The following SLC25A43 variants were observed in gnomAD, a reference collection of about 807,000 sequenced individuals.
SLC25A43 encodes the protein solute carrier family 25, member 43.
SLC25A43 carries 10 observed loss-of-function variants against 22.8 expected under a neutral mutation model. That is an observed-to-expected ratio of 0.44 (90% CI 0.27 to 0.74). The LOEUF is 0.74. Among genes scored for constraint, SLC25A43 ranks in the 30% least tolerant of loss-of-function variants. SLC25A43 has a pLI of 0.17. For synonymous variants in SLC25A43, 106 were observed against 121.6 expected (o/e 0.87, Z 0.84); for missense variants, 233 against 279.1 (o/e 0.83, Z 1.18).
chrX:119,409,585 T>C (rs1368426956), intron 2 of SLC25A43, among the ~76,000 whole-genome samples: 4 of 107,476 alleles, frequency 3.7e-5, no homozygotes, highest in Non-Finnish European at 7.7e-5. Context: ...CCCTTCAACA[T>C]GTGTGTCATT....
chrX:119,452,499 A>C (rs1012575197), intron 4 of SLC25A43, among the ~76,000 whole-genome samples: 5 of 110,836 alleles, frequency 4.5e-5, no homozygotes, highest in Non-Finnish European at 9.4e-5. Flanking sequence ...TGACAAAAAA[A>C]AAAAAAAACA....
chrX:119,403,438 C>T (rs984770158), intron 1 of SLC25A43, among the ~76,000 whole-genome samples: 3 of 110,949 alleles, frequency 2.7e-5, no homozygotes, highest in Non-Finnish European at 5.7e-5. Flanking sequence ...TACAGGTGCA[C>T]GCCACCATGC....
intron 3 of SLC25A43, among the ~76,000 whole-genome samples, chrX:119,450,949 G>A (rs767892885): frequency 1.8e-5 from 2 of 111,966 alleles, no homozygotes; most frequent in Non-Finnish European, 3.8e-5. Flanking sequence ...GATCACTTGA[G>A]GCCAGGAGTT....
intron 3 of SLC25A43, among the ~76,000 whole-genome samples, chrX:119,419,497 C>T (rs1339643400): frequency 1.8e-5 from 2 of 111,567 alleles, no homozygotes; most frequent in African/African-American, 6.5e-5. Flanking sequence ...ATGCTCGACA[C>T]CTCGGGTTAC....
chrX:119,410,502 C>A, intron 3 of SLC25A43, 140 bp downstream of exon 3: 2 of 642,318 alleles, frequency 3.1e-6, no homozygotes, highest in Non-Finnish European at 4.6e-6. Context: ...TGTGCAAACC[C>A]CCACTCTGTG....
At chrX:119,426,585 G>A (rs2052506790) in intron 3 of SLC25A43, among the ~76,000 whole-genome samples, 1 of 111,548 alleles carries the variant, frequency 9.0e-6, no homozygotes, top group Non-Finnish European at 1.9e-5. Flanking sequence ...CACTTTGGGA[G>A]GCCGAGGTGG....
intron 3 of SLC25A43, among the ~76,000 whole-genome samples, chrX:119,432,607 C>T (rs1006188866): frequency 2.8e-5 from 3 of 107,917 alleles, no homozygotes; most frequent in Admixed American, 2.0e-4. Context: ...TGGCCAACAT[C>T]GTGAAACCCT....
At chrX:119,410,947 CTCTTT>C (rs1679928402) in intron 3 of SLC25A43, among the ~76,000 whole-genome samples, 1 of 110,474 alleles carries the variant, frequency 9.1e-6, no homozygotes, top group Non-Finnish European at 1.9e-5. Context: ...GATGAGGCTT[CTCTTT>C]TCTTTCCTGA....
chrX:119,417,903 G>T (rs780298389), intron 3 of SLC25A43, among the ~76,000 whole-genome samples: 6 of 111,118 alleles, frequency 5.4e-5, no homozygotes, highest in Admixed American at 1.9e-4. Flanking sequence ...CAGTGAAAGT[G>T]TTATTTTGCA....
intron 3 of SLC25A43, among the ~76,000 whole-genome samples, chrX:119,412,020 G>A (rs1229264219): frequency 9.0e-6 from 1 of 111,552 alleles, no homozygotes; most frequent in Non-Finnish European, 1.9e-5. Flanking sequence ...AAGTTTAAAT[G>A]AGCAGTCCCA....
intron 3 of SLC25A43, among the ~76,000 whole-genome samples, chrX:119,450,146 T>G (rs771530040): frequency 2.7e-5 from 3 of 110,810 alleles, no homozygotes; most frequent in Non-Finnish European, 3.8e-5. Flanking sequence ...AGATAAAGAT[T>G]TGGGAGCCAT....
At chrX:119,441,459 G>C (rs759584710) in intron 3 of SLC25A43, among the ~76,000 whole-genome samples, 1 of 109,269 alleles carries the variant, frequency 9.2e-6, no homozygotes, top group Non-Finnish European at 1.9e-5. Flanking sequence ...GCTGTAGACC[G>C]GAGCTGTTCC....
At chrX:119,452,203 T>C in intron 4 of SLC25A43, 60 bp downstream of exon 4, 1 of 1,135,152 alleles carries the variant, frequency 8.8e-7, no homozygotes, top group Admixed American at 2.8e-5. Flanking sequence ...CCCTCTTCCT[T>C]TGTCACCCCC....
At position 119,431,882 on chromosome X, in the gene SLC25A43, G is replaced by A. The variant is rs181934843; in HGVS notation, c.691-20127G>A. Reference sequence around the variant, plus strand: ...CGAGAAGCTAAGGGAGGCCAGGGGCGGTGGCTCATGCTTGTAATTCCAGCG... The same window carrying A: ...CGAGAAGCTAAGGGAGGCCAGGGGCAGTGGCTCATGCTTGTAATTCCAGCG... On this transcript the variant is annotated intron_variant, in intron 3 of 4. Coordinates refer to ENST00000217909, the MANE Select transcript of SLC25A43 (RefSeq NM_145305.3). Among the ~76,000 whole-genome samples the A allele has an allele frequency of 3.2e-3, 354 of 110,979 alleles. 1 individual carries two copies. The highest frequency in any genetic ancestry group is 0.022 in the Admixed American group (225 of 10,368).
chrX:119,409,426 G>A (rs940819417), intron 2 of SLC25A43, among the ~76,000 whole-genome samples: 29 of 107,251 alleles, frequency 2.7e-4, no homozygotes, highest in Non-Finnish European at 4.6e-4. Flanking sequence ...GGCTGGTCTC[G>A]AACCCCTGAC....
intron 3 of SLC25A43, among the ~76,000 whole-genome samples, chrX:119,412,136 G>A (rs980435789): frequency 9.0e-6 from 1 of 110,942 alleles, no homozygotes. Flanking sequence ...CTGGGCCATC[G>A]CTTACCTCAG....
chrX:119,451,869 C>A, intron 3 of SLC25A43, 140 bp from the exon 4 acceptor site: 1 of 1,142,660 alleles, frequency 8.8e-7, no homozygotes, highest in Non-Finnish European at 1.2e-6. Flanking sequence ...CAAGAAGAAC[C>A]CCACAGCAGC....
intron 2 of SLC25A43, among the ~76,000 whole-genome samples, chrX:119,409,610 A>ATT (rs2052331720): frequency 9.4e-6 from 1 of 106,051 alleles, no homozygotes; most frequent in Admixed American, 1.0e-4. Context: ...AGAGTTCAAT[A>ATT]TTTGTGTATG....
intron 3 of SLC25A43, among the ~76,000 whole-genome samples, chrX:119,416,007 CAAA>C (rs34024967): frequency 1.8e-4 from 9 of 50,412 alleles, no homozygotes; most frequent in Admixed American, 2.8e-4. Context: ...GACCCTATCT[CAAA>C]AAAAAAAAAA....
Sources: gnomAD v4.1 joint callset for allele counts (sites outside exome capture counted in the v4.1 genomes callset) on GRCh38, gnomAD v4.1.1 for gene constraint, MANE v1.5 for transcripts, NCBI Gene and HGNC (gene_info 2026-07-23, HGNC 2026-07-21) for gene names.